The following RNF144B variants were observed in gnomAD, a reference collection of about 807,000 sequenced individuals.
RNF144B encodes the protein E3 ubiquitin-protein ligase RNF144B.
RNF144B carries 25 observed loss-of-function variants against 40.2 expected under a neutral mutation model. The observed-to-expected ratio is 0.62, with a 90% confidence interval of 0.45 to 0.87. The LOEUF (loss-of-function observed/expected upper bound fraction) is 0.87, where lower values mean the gene tolerates loss of function less well. Ranked by LOEUF, RNF144B falls within the 40% of genes least tolerant of loss-of-function variation. The pLI is 0.00. For synonymous variants in RNF144B, 145 were observed against 136.3 expected, an observed-to-expected ratio of 1.06 and a Z score of -0.44; for missense variants, 365 against 373.7, an observed-to-expected ratio of 0.98 and a Z score of 0.19.
At chr6:18,439,194 A>G (rs866964512) in intron 3 of RNF144B, among the ~76,000 whole-genome samples, 34 of 152,290 alleles carry the variant, frequency 2.2e-4, no homozygotes, top group African/African-American at 7.7e-4. Context: ...GTCAGAAGAC[A>G]TGATTTTTAT....
chr6:18,426,070 G>A (rs1449864830), intron 2 of RNF144B, among the ~76,000 whole-genome samples: 1 of 152,158 alleles, frequency 6.6e-6, no homozygotes, highest in Non-Finnish European at 1.5e-5. Context: ...TGGAAAAAAT[G>A]AGTAAAGATG....
At chr6:18,403,707 C>T (rs1794837485) in intron 2 of RNF144B, among the ~76,000 whole-genome samples, 1 of 152,148 alleles carries the variant, frequency 6.6e-6, no homozygotes, top group African/African-American at 2.4e-5. Flanking sequence ...TAACAGAATA[C>T]AGAGGCTAGG....
chr6:18,412,749 G>A lies in RNF144B; in HGVS notation c.165+13050G>A, dbSNP rs1795073122. 6.6e-6 allele frequency among the ~76,000 whole-genome samples: 1 copy of A among 152,138 alleles called. No homozygotes were observed. The highest frequency in any genetic ancestry group is 1.5e-5 in the Non-Finnish European group (1 of 68,022). ...TCTATGTGGATTCCAGATATGCAGT[G>A]TACCCCTTGGAATCAGGTGAGACAC... On this transcript the variant is annotated intron_variant, in intron 2 of 7. Transcript: ENST00000259939. The surrounding 1 kb of genome is among the most constrained non-coding windows in gnomAD (Gnocchi z 4.2).
intron 1 of RNF144B, among the ~76,000 whole-genome samples, chr6:18,390,754 C>T (rs1344962010): frequency 6.6e-6 from 1 of 152,214 alleles, no homozygotes. Flanking sequence ...CACACATTCT[C>T]CTGCATATGA....
Position 18,456,291 on chromosome 6 carries a change from G to A in RNF144B, c.332-864G>A, listed in dbSNP as rs1759324323. 6.6e-6 allele frequency among the ~76,000 whole-genome samples: 1 copy of A among 152,164 alleles called. No individual in the cohort carries two copies. The highest frequency in any genetic ancestry group is 2.1e-4 in the South Asian group (1 of 4,828). ...AGGGAGCAGAATATCCAAACTGACA[G>A]GTAATCCAACTTCTTGGCTAAGCCA... On this transcript the variant is annotated intron_variant, in intron 4 of 7. Coordinates refer to ENST00000259939, the MANE Select transcript of RNF144B (RefSeq NM_182757.4). The surrounding 1 kb of genome is among the most constrained non-coding windows in gnomAD (Gnocchi z 4.7).
chr6:18,387,545 C>T lies in RNF144B; in HGVS notation c.-122C>T, dbSNP rs1442833429. On this transcript the variant is annotated 5_prime_UTR_variant, in exon 1 of 8. Transcript: ENST00000259939. ...CGGAGAGAATGGAAGAGCTCCTGTCCGGTGTGCCAGCAGCCCGGACTGGCG... is the reference window on the plus strand; with the variant it reads ...CGGAGAGAATGGAAGAGCTCCTGTCTGGTGTGCCAGCAGCCCGGACTGGCG... 4.6e-6 allele frequency: 6 copies of T among 1,314,398 alleles called. No homozygotes were observed. Among genetic ancestry groups the T allele is most frequent in the South Asian group, 3.6e-5 (3 of 83,134 alleles). The allele number at this position is 1,314,398 out of a possible 1,614,324, so 81.4% of individuals were successfully genotyped here.
At chr6:18,390,638 G>A (rs915280942) in intron 1 of RNF144B, among the ~76,000 whole-genome samples, 6 of 152,164 alleles carry the variant, frequency 3.9e-5, no homozygotes, top group African/African-American at 1.4e-4. Flanking sequence ...TTGAAGTCAC[G>A]AGTTTGAGTC....
rs1310346116 is a variant in RNF144B at position 18,448,518 on chromosome 6, G to T, written c.332-8637G>T. Among the ~76,000 whole-genome samples, 1 of 151,974 alleles carries T rather than the reference G, an allele frequency of 6.6e-6. No individual in the cohort carries two copies. Among genetic ancestry groups the T allele is most frequent in the Non-Finnish European group, 1.5e-5 (1 of 67,988 alleles). ...GCTTTATGTAATATGAAAGTATAGC[G>T]AACCTAGCAATATTGAACGTGAAGT... On this transcript the variant is annotated intron_variant, in intron 4 of 7. Coordinates refer to ENST00000259939, the MANE Select transcript of RNF144B (RefSeq NM_182757.4). This position sits in a 1 kb window ranked among gnomAD's most constrained non-coding sequence, Gnocchi z 4.0.
At chr6:18,461,486 CT>C (rs575455945) in intron 6 of RNF144B, among the ~76,000 whole-genome samples, 23 of 152,292 alleles carry the variant, frequency 1.5e-4, no homozygotes, top group Admixed American at 3.9e-4. Context: ...ATGAGGTTCT[CT>C]TTAGGAGGCC....
chr6:18,438,016 G>C (rs1027014530), intron 3 of RNF144B, among the ~76,000 whole-genome samples: 2 of 152,148 alleles, frequency 1.3e-5, no homozygotes, highest in East Asian at 3.9e-4. Context: ...AGAAGGTGGT[G>C]GTTAAAAAAA....
chr6:18,456,024 G>A lies in RNF144B; in HGVS notation c.332-1131G>A, dbSNP rs979147352. 1.3e-5 allele frequency among the ~76,000 whole-genome samples: 2 copies of A among 152,166 alleles called. No individual in the cohort carries two copies. The highest frequency in any genetic ancestry group is 2.4e-5 in the African/African-American group (1 of 41,504). On this transcript the variant is annotated intron_variant, in intron 4 of 7. Coordinates refer to ENST00000259939, the MANE Select transcript of RNF144B (RefSeq NM_182757.4). The surrounding 1 kb of genome is among the most constrained non-coding windows in gnomAD (Gnocchi z 4.7). The stretch of plus-strand genomic sequence containing the variant: ...TGCAACCTCTGCCTCCCGGGTTCAC[G>A]CCATTCTCCTGCCTCAGCCTGCCAA...
Position 18,387,589 on chromosome 6 carries a change from A to G in RNF144B, c.-78A>G. On this transcript the variant is annotated 5_prime_UTR_variant, in exon 1 of 8. Coordinates refer to ENST00000259939, the MANE Select transcript of RNF144B (RefSeq NM_182757.4). ...ACTGGCGGTGAGCGCGAGGGAGGCT[A>G]CTGAGAAGCCCGGCGACGGAGGAAC... The G allele has an allele frequency of 1.5e-6, 2 of 1,322,408 alleles. No individual in the cohort carries two copies. Among genetic ancestry groups the G allele is most frequent in the Non-Finnish European group, 2.0e-6 (2 of 1,006,898 alleles). 81.9% of individuals were successfully genotyped at this position (1,322,408 alleles called of 1,614,324 possible). A position where few individuals can be genotyped will look rare whatever the true frequency, so the allele number is the denominator to read the frequency against.
In RNF144B at chr6:18,444,509, AC is replaced by A. The variant is rs1759035688; in HGVS notation, c.331+4766del. Among the ~76,000 whole-genome samples the A allele has an allele frequency of 6.6e-6, 1 of 152,034 alleles. No homozygotes were observed. The highest frequency in any genetic ancestry group is 1.5e-5 in the Non-Finnish European group (1 of 67,982). On this transcript the variant is annotated intron_variant, in intron 4 of 7. Transcript: ENST00000259939. This position sits in a 1 kb window ranked among gnomAD's most constrained non-coding sequence, Gnocchi z 4.3. ...TTAAGATGATCCATCTTGAGTTCTTACGCACTTTTCCTTTTTTTGTGACCCT... is the reference window on the plus strand; with the variant it reads ...TTAAGATGATCCATCTTGAGTTCTTAGCACTTTTCCTTTTTTTGTGACCCT...
In RNF144B at chr6:18,458,412, G is replaced by A. The variant is rs1759377768; in HGVS notation, c.536+1053G>A. ...CAGAATGTGTAGAACCAGGCTTCAT[G>A]AATAGTAATGCTACTTGGCTACGAT... On this transcript the variant is annotated intron_variant, in intron 5 of 7. Transcript: ENST00000259939. This position sits in a 1 kb window ranked among gnomAD's most constrained non-coding sequence, Gnocchi z 4.8. 6.6e-6 allele frequency among the ~76,000 whole-genome samples: 1 copy of A among 152,118 alleles called. No homozygotes were observed. The highest frequency in any genetic ancestry group is 1.5e-5 in the Non-Finnish European group (1 of 68,020).
In RNF144B at chr6:18,418,523, A is replaced by G. The variant is rs1478596297; in HGVS notation, c.166-9058A>G. ...TGAAATGTAGAGAGTAGGAAGATCT[A>G]TACATACAGAAAGTCAAATGGTGGT... On this transcript the variant is annotated intron_variant, in intron 2 of 7. Transcript: ENST00000259939. The surrounding 1 kb of genome is among the most constrained non-coding windows in gnomAD (Gnocchi z 5.2). Among the ~76,000 whole-genome samples, 1 of 152,182 alleles carries G rather than the reference A, an allele frequency of 6.6e-6. No homozygotes were observed. Among genetic ancestry groups the G allele is most frequent in the Non-Finnish European group, 1.5e-5 (1 of 68,028 alleles).
intron 4 of RNF144B, among the ~76,000 whole-genome samples, chr6:18,440,795 G>GTTT (rs11393909): frequency 8.8e-6 from 1 of 113,294 alleles, no homozygotes; most frequent in Non-Finnish European, 2.0e-5. Context: ...TTTTTGTGGT[G>GTTT]TTTTTTTTTT....
intron 4 of RNF144B, among the ~76,000 whole-genome samples, chr6:18,445,024 GT>G (rs35173040): frequency 1.3e-5 from 2 of 151,496 alleles, no homozygotes; most frequent in East Asian, 2.1e-4. Context: ...TTCTTTTAGT[GT>G]TTTTTTCCCT....
At chr6:18,433,960 A>G (rs1483167660) in intron 3 of RNF144B, among the ~76,000 whole-genome samples, 2 of 152,218 alleles carry the variant, frequency 1.3e-5, no homozygotes, top group African/African-American at 4.8e-5. Flanking sequence ...TTTGCAAGTC[A>G]TAGCATCCCC....
In RNF144B at chr6:18,459,977, A is replaced by C. The variant is rs555883833; in HGVS notation, c.681+226A>C. On this transcript the variant is annotated intron_variant, in intron 6 of 7. Transcript: ENST00000259939. This position sits in a 1 kb window ranked among gnomAD's most constrained non-coding sequence, Gnocchi z 4.2. The stretch of plus-strand genomic sequence containing the variant: ...GTGTTAAAGGCAAGCTTTTGTTTTC[A>C]GGGCATTTCTTGCTATTTGCACATT... Among the ~76,000 whole-genome samples the C allele has an allele frequency of 6.6e-6, 1 of 152,320 alleles. No homozygotes were observed. The highest frequency in any genetic ancestry group is 1.9e-4 in the East Asian group (1 of 5,192).
Sources: gnomAD v4.1 joint callset for allele counts (sites outside exome capture counted in the v4.1 genomes callset) on GRCh38, gnomAD v4.1.1 for gene constraint, Gnocchi (gnomAD v3.1) non-coding constraint, MANE v1.5 for transcripts, NCBI Gene and HGNC (gene_info 2026-07-23, HGNC 2026-07-21) for gene names.